SLC2A9: variants seen among roughly 807,000 people sequenced by gnomAD.
SLC2A9 encodes the protein solute carrier family 2, facilitated glucose transporter member 9.
A neutral mutation model predicts 50.6 loss-of-function variants in SLC2A9; 39 were observed. That is an observed-to-expected ratio of 0.77 (90% CI 0.60 to 1.01). The LOEUF is 1.01. Among genes scored for constraint, SLC2A9 ranks in the 50% least tolerant of loss-of-function variants. The pLI is 0.00. For synonymous variants in SLC2A9, 324 were observed against 276.9 expected, an observed-to-expected ratio of 1.17 and a Z score of -1.69; for missense variants, 686 against 677.6, an observed-to-expected ratio of 1.01 and a Z score of -0.14.
intron 1 of SLC2A9, among the ~76,000 whole-genome samples, chr4:9,771,652 A>G (rs137987148): frequency 6.6e-6 from 1 of 152,354 alleles, no homozygotes; most frequent in African/African-American, 2.4e-5. Context: ...GCAGCTGGGA[A>G]AGAAAGGTAA....
intron 3 of SLC2A9, chr4:9,783,512 G>A: frequency 1.3e-6 from 2 of 1,512,412 alleles, no homozygotes; most frequent in South Asian, 2.6e-5. Context: ...CACAGACATT[G>A]ACAAGCACGC....
intron 3 of SLC2A9, chr4:9,782,192 C>T (rs2227839): frequency 1.9e-6 from 3 of 1,608,406 alleles, no homozygotes; most frequent in Non-Finnish European, 2.5e-6. Context: ...CATCTGGACC[C>T]TGCTGGGCAA....
intron 1 of SLC2A9, 100 bp from the exon 2 acceptor site, chr4:10,019,173 G>GGA (rs2109538919): frequency 1.0e-6 from 1 of 961,198 alleles, no homozygotes; most frequent in Non-Finnish European, 1.6e-6. Context: ...GCCTTCCGGA[G>GGA]GAGAAGTCTT....
At chr4:9,909,864 T>C (rs1257484558) in intron 7 of SLC2A9, among the ~76,000 whole-genome samples, 1 of 152,256 alleles carries the variant, frequency 6.6e-6, no homozygotes, top group East Asian at 1.9e-4. Flanking sequence ...TCAGCAGAAG[T>C]GTTAGAGCAC....
At chr4:9,877,627 T>C (rs1734515568) in intron 10 of SLC2A9, among the ~76,000 whole-genome samples, 1 of 152,206 alleles carries the variant, frequency 6.6e-6, no homozygotes. Context: ...GTCTCTTCTG[T>C]GGGCTCCTCC....
chr4:9,985,446 G>A (rs76637409), intron 4 of SLC2A9, among the ~76,000 whole-genome samples: 1 of 152,260 alleles, frequency 6.6e-6, no homozygotes, highest in East Asian at 1.9e-4. Flanking sequence ...GTAGACTGCG[G>A]ACCCTGCCCA....
chr4:9,949,734 G>A (rs145638780), intron 5 of SLC2A9, among the ~76,000 whole-genome samples: 2 of 152,294 alleles, frequency 1.3e-5, no homozygotes, highest in East Asian at 3.9e-4. Flanking sequence ...CTATCAGGCT[G>A]AACCTGTCAC....
chr4:9,893,797 G>A (rs1206081669), intron 8 of SLC2A9, among the ~76,000 whole-genome samples: 1 of 152,180 alleles, frequency 6.6e-6, no homozygotes, highest in Non-Finnish European at 1.5e-5. Context: ...CAGGGGCTTA[G>A]AGAGATTATG....
intron 3 of SLC2A9, among the ~76,000 whole-genome samples, chr4:9,993,810 C>T (rs1438936783): frequency 6.6e-6 from 1 of 152,188 alleles, no homozygotes; most frequent in Non-Finnish European, 1.5e-5. Context: ...CTGTGTGAGG[C>T]CCAGGTCATG....
intron 5 of SLC2A9, among the ~76,000 whole-genome samples, chr4:9,954,816 C>T (rs1480826837): frequency 3.3e-5 from 5 of 152,114 alleles, no homozygotes; most frequent in Admixed American, 2.0e-4. Flanking sequence ...AGGTGATGGT[C>T]AGGCAGTTGT....
intron 3 of SLC2A9, among the ~76,000 whole-genome samples, chr4:9,785,642 T>G (rs1719122408): frequency 6.6e-6 from 1 of 152,252 alleles, no homozygotes; most frequent in Admixed American, 6.5e-5. Context: ...GACTTTGGAA[T>G]TTCCTTCTGT....
rs1758768462 is a variant in SLC2A9, at chr4:9,996,849, C to T, written c.342G>A (p.Val114=). Residue 114 remains valine (V), a synonymous_variant, in exon 3 of 12, where the codon GTG becomes GTA. Transcript: ENST00000264784. The part of the protein sequence containing the change: ...DTLTLLWSVT[V]SIFAIGGLVG... ...CAAGTCCACCGATGGCGAATATGGA[C>T]ACAGTCACAGACCAGAGCAAAGTCA... 1 of 1,614,220 alleles carries T rather than the reference C, an allele frequency of 6.2e-7. No individual in the cohort carries two copies. The highest frequency in any genetic ancestry group is 1.3e-5 in the African/African-American group (1 of 75,062).
intron 3 of SLC2A9, among the ~76,000 whole-genome samples, chr4:9,989,948 T>G (rs1436628317): frequency 6.6e-6 from 1 of 152,018 alleles, no homozygotes; most frequent in African/African-American, 2.4e-5. Context: ...CCTGCACAAG[T>G]CACCATTTTA....
chr4:9,887,883 G>A (rs1736586519), intron 9 of SLC2A9, among the ~76,000 whole-genome samples: 1 of 152,150 alleles, frequency 6.6e-6, no homozygotes, highest in African/African-American at 2.4e-5. Context: ...ACATAGTCCT[G>A]GCATACAGGA....
Position 9,829,539 on chromosome 4 carries a change from C to A in SLC2A9, c.1420-2939G>T, listed in dbSNP as rs187978732. Reference sequence around the variant, plus strand: ...AATGGGATCTAATTAAACTAAAGAGCTTCTCCACTGCAAAAGAAACTATCA... The same window carrying A: ...AATGGGATCTAATTAAACTAAAGAGATTCTCCACTGCAAAAGAAACTATCA... On this transcript the variant is annotated intron_variant, in intron 11 of 11. Transcript: ENST00000264784. 9.3e-5 allele frequency among the ~76,000 whole-genome samples: 14 copies of A among 150,170 alleles called. No individual in the cohort carries two copies. The East Asian group carries it at 2.7e-3, about 29-fold the overall frequency.
At chr4:9,826,677 T>C (rs1725188128) in intron 11 of SLC2A9, 77 bp from the exon 12 acceptor site, 3 of 1,340,934 alleles carry the variant, frequency 2.2e-6, no homozygotes, top group Non-Finnish European at 3.2e-6. Context: ...ACACAGATTT[T>C]TAAGATAGCT....
At chr4:9,950,596 T>C (rs1007366337) in intron 5 of SLC2A9, among the ~76,000 whole-genome samples, 1 of 90,750 alleles carries the variant, frequency 1.1e-5, no homozygotes, top group Non-Finnish European at 2.2e-5. Flanking sequence ...AAATGACAGA[T>C]GCTGGCAAGG....
intron 1 of SLC2A9, among the ~76,000 whole-genome samples, chr4:10,039,480 C>T (rs12508991): frequency 0.43 from 65,309 of 152,148 alleles, 15,604 homozygotes; most frequent in South Asian, 0.59. Context: ...CCTCGTCCTC[C>T]GCTATTCTCT....
chr4:9,797,964 C>A (rs1720792491), downstream of SLC2A9, among the ~76,000 whole-genome samples: 1 of 152,216 alleles, frequency 6.6e-6, no homozygotes, highest in Non-Finnish European at 1.5e-5. Flanking sequence ...CAGTGCTTGG[C>A]ATTCAGCAGG....
Sources: allele counts gnomAD v4.1 joint callset (sites outside exome capture counted in the v4.1 genomes callset), GRCh38; gene constraint gnomAD v4.1.1; transcripts MANE v1.5; gene names NCBI Gene and HGNC (gene_info 2026-07-23, HGNC 2026-07-21).